TMOD1: variants seen among roughly 807,000 people sequenced by gnomAD.
TMOD1 encodes the protein tropomodulin 1.
In TMOD1, 17 loss-of-function variants were observed where a neutral mutation model predicts 40.6. That is an observed-to-expected ratio of 0.42 (90% confidence interval 0.29 to 0.63). The LOEUF is 0.63. Among genes scored for constraint, TMOD1 ranks in the 20% least tolerant of loss-of-function variants. TMOD1 has a pLI of 0.22. For synonymous variants in TMOD1, 181 were observed against 175.0 expected (o/e 1.03, Z -0.27); for missense variants, 391 against 447.6 (o/e 0.87, Z 1.14).
At chr9:97,559,778 A>T (rs1394440304) in intron 4 of TMOD1, among the ~76,000 whole-genome samples, 3 of 19,696 alleles carry the variant, frequency 1.5e-4, no homozygotes, top group African/African-American at 2.1e-4. Flanking sequence ...AATTTAAAAA[A>T]AAAAAAAAAA....
intron 2 of TMOD1, 92 bp downstream of exon 2, chr9:97,524,400 T>C (rs1829967296): frequency 2.7e-6 from 4 of 1,469,118 alleles, no homozygotes; most frequent in Admixed American, 2.2e-5. Flanking sequence ...ACTTCCTTTT[T>C]CCTTCCATGG....
chr9:97,589,700 T>A (rs1027709361), intron 8 of TMOD1, among the ~76,000 whole-genome samples: 3 of 152,160 alleles, frequency 2.0e-5, no homozygotes, highest in African/African-American at 7.2e-5. Flanking sequence ...AGCATTTTAT[T>A]TATTTTTCTT....
chr9:97,522,098 A>G (rs538047473), intron 1 of TMOD1, among the ~76,000 whole-genome samples: 27 of 152,176 alleles, frequency 1.8e-4, no homozygotes, highest in Non-Finnish European at 3.7e-4. Context: ...GAAGAAGGTC[A>G]TATCTGTTAC....
chr9:97,567,308 T>C (rs1407894012), intron 7 of TMOD1, among the ~76,000 whole-genome samples: 2 of 152,216 alleles, frequency 1.3e-5, no homozygotes, highest in Admixed American at 1.3e-4. Flanking sequence ...CAAATGTTTT[T>C]TGGGCATGGA....
chr9:97,514,275 C>CTTTTTTTTTTT (rs71369513), intron 1 of TMOD1, among the ~76,000 whole-genome samples: 3 of 121,808 alleles, frequency 2.5e-5, no homozygotes, highest in African/African-American at 6.2e-5. Context: ...TTTTCTTTTT[C>CTTTTTTTTTTT]TTTTTTTTTT....
At chr9:97,586,259 C>T (rs1411835230) in intron 8 of TMOD1, among the ~76,000 whole-genome samples, 3 of 152,198 alleles carry the variant, frequency 2.0e-5, no homozygotes, top group African/African-American at 7.2e-5. Flanking sequence ...TTGGAAAACC[C>T]TGCTGTGTGA....
intron 1 of TMOD1, among the ~76,000 whole-genome samples, chr9:97,518,355 G>C (rs185778501): frequency 2.0e-5 from 3 of 152,212 alleles, no homozygotes; most frequent in Non-Finnish European, 4.4e-5. Flanking sequence ...GAACAGATTC[G>C]TCCTCAGAGC....
intron 2 of TMOD1, among the ~76,000 whole-genome samples, chr9:97,538,114 C>T (rs938466553): frequency 5.3e-5 from 8 of 152,130 alleles, no homozygotes; most frequent in East Asian, 3.9e-4. Context: ...GAGGCATGAA[C>T]GCTCTAGTAT....
At chr9:97,538,264 A>G (rs1830216683) in intron 2 of TMOD1, among the ~76,000 whole-genome samples, 1 of 152,228 alleles carries the variant, frequency 6.6e-6, no homozygotes, top group African/African-American at 2.4e-5. Flanking sequence ...TCATCCAGGT[A>G]TTAGTCACTG....
intron 1 of TMOD1, among the ~76,000 whole-genome samples, chr9:97,510,450 C>T (rs748297356): frequency 2.6e-5 from 4 of 152,126 alleles, no homozygotes; most frequent in Admixed American, 6.5e-5. Flanking sequence ...AGGCTGGTCT[C>T]GAACTCCTGA....
chr9:97,560,067 T>C lies in TMOD1; in HGVS notation c.398-2665T>C, dbSNP rs144534153. 3.3e-5 allele frequency among the ~76,000 whole-genome samples: 5 copies of C among 151,938 alleles called. No homozygotes were observed. In the East Asian group the frequency reaches 9.7e-4, roughly 29 times the overall value. ...GGTCAGGGCTGGAACTTGGGTTTCC[T>C]GACTCTTCATTAAGGGCTCCCATAT... On this transcript the variant is annotated intron_variant, in intron 4 of 9. Transcript: ENST00000259365.
chr9:97,575,974 G>C (rs1300308124), intron 8 of TMOD1, among the ~76,000 whole-genome samples: 2 of 152,102 alleles, frequency 1.3e-5, no homozygotes, highest in African/African-American at 4.8e-5. Flanking sequence ...TTTGATTTCC[G>C]TAGGAAGCCT....
Position 97,541,272 on chromosome 9 carries a change from C to T in TMOD1, c.121-4913C>T, listed in dbSNP as rs1830271400. ...GCACAATCTCAGCTCACTGCAATCT[C>T]TGCCTCCTAAGTTCAAAGGATCCTC... On this transcript the variant is annotated intron_variant, in intron 2 of 9. Coordinates refer to ENST00000259365, the MANE Select transcript of TMOD1 (RefSeq NM_003275.4). Among the ~76,000 whole-genome samples, 4 of 152,296 alleles carry T rather than the reference C, an allele frequency of 2.6e-5. No individual in the cohort carries two copies. The South Asian group carries it at 8.3e-4, about 32-fold the overall frequency.
chr9:97,554,683 G>C (rs902812475), intron 4 of TMOD1, among the ~76,000 whole-genome samples: 1 of 152,122 alleles, frequency 6.6e-6, no homozygotes, highest in African/African-American at 2.4e-5. Context: ...ACAGAGTGAG[G>C]GTTCAGGGCT....
At chr9:97,538,538 A>T (rs377044609) in intron 2 of TMOD1, among the ~76,000 whole-genome samples, 2 of 152,076 alleles carry the variant, frequency 1.3e-5, no homozygotes, top group Non-Finnish European at 2.9e-5. Flanking sequence ...TAAATTCCTT[A>T]TAGGTTAAAT....
At chr9:97,549,568 A>T (rs1248541624) in intron 3 of TMOD1, among the ~76,000 whole-genome samples, 3 of 152,154 alleles carry the variant, frequency 2.0e-5, no homozygotes, top group African/African-American at 4.8e-5. Flanking sequence ...GATCCCTGGA[A>T]TCTGATATTA....
chr9:97,551,460 T>C (rs546302193), intron 3 of TMOD1, among the ~76,000 whole-genome samples: 217 of 152,346 alleles, frequency 1.4e-3, no homozygotes, highest in Non-Finnish European at 2.5e-3. Context: ...TTGAAGCGAT[T>C]ACTCTTTCCC....
chr9:97,586,679 C>G (rs1285243891), intron 8 of TMOD1, among the ~76,000 whole-genome samples: 1 of 152,052 alleles, frequency 6.6e-6, no homozygotes, highest in South Asian at 2.1e-4. Flanking sequence ...TAGGACCCTC[C>G]GAGCCAGGTG....
chr9:97,593,380 G>A (rs1421342935), intron 9 of TMOD1, among the ~76,000 whole-genome samples: 2 of 152,154 alleles, frequency 1.3e-5, no homozygotes, highest in African/African-American at 4.8e-5. Context: ...GCCATTGTAA[G>A]AATGTAGGAT....
Sources: allele counts gnomAD v4.1 joint callset (sites outside exome capture counted in the v4.1 genomes callset), GRCh38; gene constraint gnomAD v4.1.1; transcripts MANE v1.5; gene names NCBI Gene and HGNC (gene_info 2026-07-23, HGNC 2026-07-21).